Variants in SERPINF1 observed in about 807,000 individuals in gnomAD.
The protein encoded by SERPINF1 is serpin family F member 1.
Under a neutral mutation model 37.3 loss-of-function variants are expected in SERPINF1, and 29 were observed. The observed-to-expected ratio is 0.78, with a 90% CI of 0.58 to 1.06. The LOEUF (loss-of-function observed/expected upper bound fraction) is 1.06. SERPINF1 is among the 50% of genes least tolerant of loss of function. The probability of loss-of-function intolerance (pLI) is 0.00; values close to 1 mark genes in which losing one functional copy is unlikely to be tolerated. For missense variants in SERPINF1, 553 were observed against 532.2 expected (o/e 1.04, Z -0.38); for synonymous variants, 281 against 227.9 (o/e 1.23, Z -2.10).
chr17:1,766,864 CGGG>C, intron 1 of SERPINF1, 36 bp from the exon 2 acceptor site: 1 of 1,533,082 alleles, frequency 6.5e-7, no homozygotes, highest in Non-Finnish European at 8.8e-7. Context: ...AGTGCAGTGT[CGGG>C]GGAGAGCGGC....
intron 6 of SERPINF1, 181 bp from the exon 7 acceptor site, chr17:1,776,351 C>G (rs1455941443): frequency 4.5e-6 from 3 of 660,590 alleles, no homozygotes; most frequent in Admixed American, 4.6e-5. Context: ...GAAGAAACCT[C>G]AGGAGATGGC....
At chr17:1,772,119 T>G in intron 5 of SERPINF1, 44 bp downstream of exon 5, 1 of 1,572,682 alleles carries the variant, frequency 6.4e-7, no homozygotes, top group Non-Finnish European at 8.7e-7. Context: ...TACTGTATTT[T>G]AACTAATTAA....
intron 3 of SERPINF1, chr17:1,770,447 A>C: frequency 4.0e-6 from 1 of 251,984 alleles, no homozygotes; most frequent in Non-Finnish European, 7.5e-6. Flanking sequence ...TCACTACAGA[A>C]TAGTCTTTTT....
rs1187853365 is a variant in SERPINF1, at chr17:1,769,738, A to AG, written c.85-112dup. ...TAGGCCAAACACAGAAAAATTAGGA[A>AG]GGACAGCCCCAAGGGGCCAGAACCA... On this transcript the variant is annotated intron_variant, in intron 2 of 7. Transcript: ENST00000254722. 29 of 1,153,162 alleles carry AG rather than the reference A, an allele frequency of 2.5e-5. No individual in the cohort carries two copies. The African/African-American group carries it at 3.6e-4, about 14-fold the overall frequency. 71.4% of individuals were successfully genotyped at this position (1,153,162 alleles called of 1,614,324 possible).
intron 2 of SERPINF1, among the ~76,000 whole-genome samples, chr17:1,767,300 GC>G (rs1389113405): frequency 6.6e-6 from 1 of 152,146 alleles, no homozygotes; most frequent in African/African-American, 2.4e-5. Context: ...GCACCACCAA[GC>G]CCGGCTCATT....
chr17:1,770,009 C>G lies in SERPINF1; in HGVS notation c.242C>G (p.Ser81Cys), dbSNP rs140512665. Residue 81 changes from serine to cysteine, a missense_variant, in exon 3 of 8, where the codon TCT (serine) becomes TGT (cysteine). Physicochemically the swap from Ser to Cys is moderately radical, Grantham distance 112. Transcript: ENST00000254722. The stretch of plus-strand genomic sequence containing the variant: ...AGCCCCACGACCAACGTGCTCCTGT[C>G]TCCTCTCAGTGTGGCCACGGCCCTC... ...STSPTTNVLL[S>C]PLSVATALSA... is the part of the protein sequence containing the mutation. 6.5e-4 allele frequency: 1,057 copies of G among 1,614,230 alleles called. 14 individuals are homozygous for G. The Middle Eastern group carries it at 0.013, about 19-fold the overall frequency.
chr17:1,772,012 A>T lies in SERPINF1; in HGVS notation c.580A>T (p.Arg194Trp). 6.2e-7 allele frequency: 1 copy of T among 1,613,902 alleles called. No homozygotes were observed. Among genetic ancestry groups the T allele is most frequent in the Non-Finnish European group, 8.5e-7 (1 of 1,179,992 alleles). The change falls in exon 5 of 8, where the codon AGG (arginine) becomes TGG (tryptophan). Residue 194 changes from arginine (R) to tryptophan (W), a missense_variant. Physicochemically the swap from Arg to Trp is moderately radical, Grantham distance 101. Transcript: ENST00000254722. ...VQAQMKGKLA[R>W]STKEIPDEIS... is the part of the protein sequence containing the mutation. The stretch of plus-strand genomic sequence containing the variant: ...GGCGCAGATGAAAGGGAAGCTCGCC[A>T]GGTCCACAAAGGAAATTCCCGATGA...
At position 1,770,068 on chromosome 17, in the gene SERPINF1, G is replaced by A. The variant is rs1442089192; in HGVS notation, c.283+18G>A. On this transcript the variant is annotated intron_variant, in intron 3 of 7. Transcript: ENST00000254722. ...CTCGCTGGGTGAGTGCTCAGATGCAGGAAGCCCCAGGCAGACCTGGAGAGG... is the reference window on the plus strand; with the variant it reads ...CTCGCTGGGTGAGTGCTCAGATGCAAGAAGCCCCAGGCAGACCTGGAGAGG... 2 of 1,613,716 alleles carry A rather than the reference G, an allele frequency of 1.2e-6. No homozygotes were observed. Among genetic ancestry groups the A allele is most frequent in the African/African-American group, 1.3e-5 (1 of 75,054 alleles).
chr17:1,773,319 C>T (rs1326851341), intron 5 of SERPINF1, among the ~76,000 whole-genome samples: 1 of 152,174 alleles, frequency 6.6e-6, no homozygotes, highest in African/African-American at 2.4e-5. Context: ...TCTTGGCTCA[C>T]TACAGCCTCC....
At chr17:1,767,050 C>A in intron 2 of SERPINF1, 56 bp downstream of exon 2, 1 of 1,471,038 alleles carries the variant, frequency 6.8e-7, no homozygotes, top group Non-Finnish European at 9.3e-7. Context: ...CCTTGGCAGG[C>A]AGCACGGGAA....
chr17:1,762,813 A>C (rs913219352), intron 1 of SERPINF1: 2 of 152,336 alleles, frequency 1.3e-5, no homozygotes, highest in Non-Finnish European at 2.9e-5. Flanking sequence ...ATGGGGGCCC[A>C]GCTGCCAGTG....
chr17:1,769,572 T>C (rs1907589796), intron 2 of SERPINF1: 6 of 500,584 alleles, frequency 1.2e-5, no homozygotes, highest in South Asian at 6.3e-5. Context: ...TGCAGTGAGC[T>C]GAGATCGCGC....
At position 1,777,174 on chromosome 17, in the gene SERPINF1, T is replaced by C. The variant is rs1456147557; in HGVS notation, c.998-13T>C. The C allele has an allele frequency of 6.2e-6, 10 of 1,614,072 alleles. No homozygotes were observed. Among genetic ancestry groups the C allele is most frequent in the African/African-American group, 1.3e-5 (1 of 75,010 alleles). On this transcript the variant is annotated splice_polypyrimidine_tract_variant and intron_variant, in intron 7 of 7. Coordinates refer to ENST00000254722, the MANE Select transcript of SERPINF1 (RefSeq NM_002615.7). ...GGCAGGGTTTTAACGGAAATCTCTC[T>C]CCATCTCTACAGAGCTGCAATCCTT...
At chr17:1,765,592 G>A (rs1320221207) in intron 1 of SERPINF1, among the ~76,000 whole-genome samples, 1 of 152,126 alleles carries the variant, frequency 6.6e-6, no homozygotes, top group Non-Finnish European at 1.5e-5. Context: ...AAAGTGCTGG[G>A]ATTACAGGCA....
intron 5 of SERPINF1, among the ~76,000 whole-genome samples, chr17:1,773,500 G>A (rs973988772): frequency 3.3e-5 from 5 of 151,930 alleles, no homozygotes; most frequent in Non-Finnish European, 7.4e-5. Context: ...CACCCGCCTC[G>A]GCCTCCCACA....
chr17:1,777,072 G>A, intron 7 of SERPINF1, 115 bp from the exon 8 acceptor site: 3 of 1,536,344 alleles, frequency 2.0e-6, no homozygotes, highest in South Asian at 2.3e-5. Flanking sequence ...GACCTCTTCA[G>A]GCCTCAGAGA....
At chr17:1,775,540 T>C (rs548582237) in intron 6 of SERPINF1, among the ~76,000 whole-genome samples, 2 of 147,732 alleles carry the variant, frequency 1.4e-5, no homozygotes, top group East Asian at 2.0e-4. Context: ...CTCCAAATCG[T>C]TGGCATCTTT....
chr17:1,772,901 G>A (rs1907836170), intron 5 of SERPINF1, among the ~76,000 whole-genome samples: 2 of 152,090 alleles, frequency 1.3e-5, no homozygotes, highest in Non-Finnish European at 1.5e-5. Flanking sequence ...GCCGAGGCTG[G>A]TCTCGAACTC....
intron 5 of SERPINF1, among the ~76,000 whole-genome samples, chr17:1,774,579 A>G (rs1907915966): frequency 6.6e-6 from 1 of 151,892 alleles, no homozygotes; most frequent in Non-Finnish European, 1.5e-5. Flanking sequence ...TGATCTGCCC[A>G]CCTTGGCCTC....
Sources: gnomAD v4.1 joint callset for allele counts (sites outside exome capture counted in the v4.1 genomes callset) on GRCh38, gnomAD v4.1.1 for gene constraint, MANE v1.5 for transcripts, NCBI Gene and HGNC (gene_info 2026-07-23, HGNC 2026-07-21) for gene names.